The following AMHR2 variants were observed in gnomAD, a reference collection of about 807,000 sequenced individuals.
The protein encoded by AMHR2 is anti-Mullerian hormone receptor type 2, also known as anti-Muellerian hormone type-2 receptor.
AMHR2 carries 36 observed loss-of-function variants against 61.4 expected under a neutral mutation model. The ratio of observed to expected loss-of-function variants is 0.59; its 90% CI spans 0.45 to 0.77. AMHR2 has a LOEUF of 0.77. Ranked by LOEUF, AMHR2 falls within the 30% of genes least tolerant of loss-of-function variation. The pLI, the probability that AMHR2 is intolerant of heterozygous loss-of-function variation, is 0.00. For missense variants in AMHR2, 638 were observed against 714.6 expected (o/e 0.89, Z 1.22); for synonymous variants, 258 against 279.4 (o/e 0.92, Z 0.76).
rs369599312 is a variant in AMHR2, at chr12:53,425,860, C to T, written c.793C>T (p.Arg265Trp). Residue 265 changes from arginine to tryptophan, a missense_variant, in exon 6 of 11, where the codon CGG becomes TGG. Coordinates refer to ENST00000257863, the MANE Select transcript of AMHR2 (RefSeq NM_020547.3). ...CATTGTCCGATTTATCACTGCCAGC[C>T]GGGGGGGTCCTGGCCGCCTGCTCTC... The part of the protein sequence containing the change: ...DHIVRFITAS[R>W]GGPGRLLSGP... 38 of 1,613,762 alleles carry T rather than the reference C, an allele frequency of 2.4e-5. No homozygotes were observed. The highest frequency in any genetic ancestry group is 2.8e-5 in the Non-Finnish European group (33 of 1,179,990).
Position 53,424,783 on chromosome 12 carries a change from G to C in AMHR2, c.307G>C (p.Gly103Arg). The C allele has an allele frequency of 1.2e-6, 2 of 1,613,832 alleles. No homozygotes were observed. The highest frequency in any genetic ancestry group is 1.7e-6 in the Non-Finnish European group (2 of 1,179,930). Reference protein sequence around the residue: ...DPSPRAHPSPGSTLFTCSCGT... With the variant: ...DPSPRAHPSPRSTLFTCSCGT... ...AAGTCCCCGAGCCCACCCCAGCCCT[G>C]GCTCCACTCTCTTCACCTGCTCCTG... The change falls in exon 3 of 11, where the codon GGC becomes CGC. Residue 103 changes from glycine (G) to arginine (R), a missense_variant. Gly to Arg is a moderately radical substitution (Grantham distance 125, BLOSUM62 -2). Transcript: ENST00000257863.
intron 10 of AMHR2, chr12:53,430,493 C>A: frequency 1.4e-6 from 1 of 702,414 alleles, no homozygotes; most frequent in Non-Finnish European, 2.4e-6. Flanking sequence ...TTCCATCTAC[C>A]TGAGACACAC....
intron 9 of AMHR2, 50 bp from the exon 10 acceptor site, chr12:53,430,096 G>T: frequency 1.9e-6 from 3 of 1,614,088 alleles, no homozygotes; most frequent in Non-Finnish European, 2.5e-6. Context: ...TTTCTACATG[G>T]TAGGCACCCC....
chr12:53,423,911 C>G lies in AMHR2; in HGVS notation c.-24C>G. On this transcript the variant is annotated 5_prime_UTR_variant, in exon 1 of 11. Transcript: ENST00000257863. The stretch of plus-strand genomic sequence containing the variant: ...TGTGCTGGCTTATGCTCTTCTCCTT[C>G]TGCTGCTGCCATCCTCCAGCAAGAT... The G allele has an allele frequency of 6.2e-7, 1 of 1,613,840 alleles. No homozygotes were observed. Among genetic ancestry groups the G allele is most frequent in the Non-Finnish European group, 8.5e-7 (1 of 1,179,788 alleles).
chr12:53,427,879 CTGTG>C (rs529376920), intron 6 of AMHR2, among the ~76,000 whole-genome samples: 8 of 152,192 alleles, frequency 5.3e-5, no homozygotes, highest in Admixed American at 2.0e-4. Context: ...TCCATCAGGA[CTGTG>C]TGTGTCTCTG....
intron 2 of AMHR2, 45 bp from the exon 3 acceptor site, chr12:53,424,664 C>T (rs529802930): frequency 1.9e-6 from 3 of 1,592,324 alleles, no homozygotes; most frequent in South Asian, 2.2e-5. Context: ...TGCTTTCTTC[C>T]TTGCCCCCCC....
intron 6 of AMHR2, 46 bp downstream of exon 6, chr12:53,425,965 T>C (rs1939545374): frequency 1.3e-6 from 2 of 1,562,620 alleles, no homozygotes; most frequent in Non-Finnish European, 1.8e-6. Flanking sequence ...CCTGTGTGTA[T>C]GTATAGAGGT....
chr12:53,425,474 C>T lies in AMHR2; in HGVS notation c.522C>T (p.Asn174=), dbSNP rs768542840. 3.2e-5 allele frequency: 51 copies of T among 1,613,910 alleles called. No individual in the cohort carries two copies. The highest frequency in any genetic ancestry group is 4.0e-5 in the Non-Finnish European group (47 of 1,180,044). Residue 174 remains asparagine, a synonymous_variant, in exon 5 of 11, where the codon AAC becomes AAT. Transcript: ENST00000257863. ...TTCCAGCCCTGCTACAGCGAAAGAA[C>T]TACAGAGTGCGAGGTGAGCCAGTGC... ...SIILALLQRK[N]YRVRGEPVPE...
At chr12:53,427,588 A>G (rs1939724934) in intron 6 of AMHR2, among the ~76,000 whole-genome samples, 1 of 152,112 alleles carries the variant, frequency 6.6e-6, no homozygotes, top group African/African-American at 2.4e-5. Context: ...TTTTTAGTAG[A>G]GACGGGATTT....
chr12:53,429,716 C>G, intron 8 of AMHR2, 91 bp downstream of exon 8: 1 of 1,598,122 alleles, frequency 6.3e-7, no homozygotes, highest in Non-Finnish European at 8.5e-7. Flanking sequence ...TGTAGCAATA[C>G]CTATAGCATT....
intron 8 of AMHR2, 94 bp downstream of exon 8, chr12:53,429,719 A>G (rs1479811607): frequency 2.5e-6 from 4 of 1,598,594 alleles, no homozygotes; most frequent in South Asian, 1.1e-5. Flanking sequence ...AGCAATACCT[A>G]TAGCATTTGG....
rs747529897 is a variant in AMHR2, at chr12:53,428,905, T to C, written c.862T>C (p.Cys288Arg). 3.2e-6 allele frequency: 5 copies of C among 1,551,374 alleles called. No individual in the cohort carries two copies. In the Admixed American group the frequency reaches 9.8e-5, roughly 30 times the overall value. The change falls in exon 7 of 11, where the codon TGC becomes CGC. Residue 288 changes from cysteine (C) to arginine (R), a missense_variant. By Grantham distance (180) the Cys-to-Arg change is radical. Transcript: ENST00000257863. ...CTCTGCGTTTCCCCAGGGCTCCCTG[T>C]GCCACTACTTGACCCAGTACACCAG... ...VLELHPKGSL[C>R]HYLTQYTSDW...
At position 53,429,845 on chromosome 12, in the gene AMHR2, GTACATGGCACCAGAGC is replaced by G; in HGVS notation, c.1157_1172del (p.Tyr386SerfsTer31). The G allele has an allele frequency of 6.2e-7, 1 of 1,614,202 alleles. No homozygotes were observed. Among genetic ancestry groups the G allele is most frequent in the Non-Finnish European group, 8.5e-7 (1 of 1,180,032 alleles). ...TTGCTCTCCAGGCTGGCACCCAGAG[GTACATGGCACCAGAGC>G]TCTTGGACAAGACTCTGGACCTACA... On this transcript the variant is annotated frameshift_variant, in exon 9 of 11. Transcript: ENST00000257863. LOFTEE classifies it high-confidence loss of function.
At chr12:53,429,077 G>T in intron 7 of AMHR2, 67 bp downstream of exon 7, 2 of 1,386,784 alleles carry the variant, frequency 1.4e-6, no homozygotes, top group Non-Finnish European at 2.0e-6. Flanking sequence ...GCCTTAGTTT[G>T]GAGGGGAAAG....
intron 6 of AMHR2, among the ~76,000 whole-genome samples, chr12:53,426,982 C>CAAA (rs929522833): frequency 2.2e-3 from 157 of 71,628 alleles, no homozygotes; most frequent in East Asian, 4.1e-3. Flanking sequence ...CGTGCCCAGC[C>CAAA]AAAAAAAAAA....
chr12:53,425,159 G>T lies in AMHR2; in HGVS notation c.425-6G>T. The T allele has an allele frequency of 1.2e-6, 2 of 1,613,764 alleles. No individual in the cohort carries two copies. The highest frequency in any genetic ancestry group is 8.5e-7 in the Non-Finnish European group (1 of 1,180,038). On this transcript the variant is annotated splice_polypyrimidine_tract_variant and splice_region_variant and intron_variant, in intron 3 of 10. Transcript: ENST00000257863. ...CTCCAGCCTGCATTCTTGCCTTGAT[G>T]TCCAGGTGAGTCCATCTGGATGGCA...
chr12:53,429,681 A>G, intron 8 of AMHR2, 56 bp downstream of exon 8: 1 of 1,605,460 alleles, frequency 6.2e-7, no homozygotes, highest in Non-Finnish European at 8.5e-7. Flanking sequence ...TGCTGATGGC[A>G]ATGCAGCCAT....
chr12:53,425,630 G>A, intron 5 of AMHR2, 57 bp downstream of exon 5: 1 of 1,612,788 alleles, frequency 6.2e-7, no homozygotes, highest in Non-Finnish European at 8.5e-7. Flanking sequence ...TTGTGCTGGG[G>A]AGGAATCCTG....
rs1016766065 is a variant in AMHR2, at chr12:53,425,878, C to A, written c.811C>A (p.Leu271Met). The change falls in exon 6 of 11, where the codon CTG becomes ATG. Residue 271 changes from leucine (L) to methionine (M), a missense_variant. Coordinates refer to ENST00000257863, the MANE Select transcript of AMHR2 (RefSeq NM_020547.3). Reference sequence around the variant, plus strand: ...TGCCAGCCGGGGGGGTCCTGGCCGCCTGCTCTCTGGGCCCCTGCTGGTACT... The same window carrying A: ...TGCCAGCCGGGGGGGTCCTGGCCGCATGCTCTCTGGGCCCCTGCTGGTACT... ...ITASRGGPGR[L>M]LSGPLLVLEL... is the part of the protein sequence containing the mutation. 2 of 1,614,004 alleles carry A rather than the reference C, an allele frequency of 1.2e-6. No individual in the cohort carries two copies. Among genetic ancestry groups the A allele is most frequent in the Non-Finnish European group, 1.7e-6 (2 of 1,180,016 alleles).
Sources: gnomAD v4.1 joint callset for allele counts (sites outside exome capture counted in the v4.1 genomes callset) on GRCh38, gnomAD v4.1.1 for gene constraint, MANE v1.5 for transcripts, NCBI Gene and HGNC (gene_info 2026-07-23, HGNC 2026-07-21) for gene names.